The following ENPP2 variants were observed in gnomAD, a reference collection of about 807,000 sequenced individuals.
ENPP2 encodes autotaxin.
A neutral mutation model predicts 120.2 loss-of-function variants in ENPP2; 51 were observed. The ratio of observed to expected loss-of-function variants is 0.42; its 90% CI spans 0.34 to 0.54. The LOEUF (loss-of-function observed/expected upper bound fraction) is 0.54, where lower values mean the gene tolerates loss of function less well. Among genes scored for constraint, ENPP2 ranks in the 20% least tolerant of loss-of-function variants. The pLI is 0.04. For synonymous variants in ENPP2, 365 were observed against 366.4 expected (o/e 1.00, Z 0.04); for missense variants, 920 against 1,066.5 (o/e 0.86, Z 1.91).
At chr8:119,584,097 C>T (rs367612954) in intron 15 of ENPP2, 48 bp from the exon 16 acceptor site, 14 of 1,308,202 alleles carry the variant, frequency 1.1e-5, no homozygotes, top group African/African-American at 2.9e-5. Flanking sequence ...CATGAAATTA[C>T]TTTGATAAAA....
At chr8:119,633,442 G>T (rs1295073128) in intron 2 of ENPP2, among the ~76,000 whole-genome samples, 1 of 152,056 alleles carries the variant, frequency 6.6e-6, no homozygotes, top group African/African-American at 2.4e-5. Flanking sequence ...ACCAGCTGTG[G>T]TTATACCAGC....
At chr8:119,661,586 C>T (rs1389417110) in intron 1 of ENPP2, among the ~76,000 whole-genome samples, 2 of 152,152 alleles carry the variant, frequency 1.3e-5, no homozygotes, top group East Asian at 3.9e-4. Flanking sequence ...TAAATTAGTG[C>T]AATCATTAAG....
At chr8:119,622,720 A>G (rs568815868) in intron 3 of ENPP2, among the ~76,000 whole-genome samples, 1 of 152,296 alleles carries the variant, frequency 6.6e-6, no homozygotes, top group East Asian at 1.9e-4. Flanking sequence ...GAGATAAAAT[A>G]TAACTCTTTA....
upstream of ENPP2, among the ~76,000 whole-genome samples, chr8:119,639,301 C>A (rs991864213): frequency 6.6e-6 from 1 of 152,130 alleles, no homozygotes; most frequent in African/African-American, 2.4e-5. Context: ...AACCTAATAA[C>A]GTTCCTGTCT....
intron 1 of ENPP2, among the ~76,000 whole-genome samples, chr8:119,663,757 A>G (rs1301158959): frequency 6.6e-6 from 1 of 152,176 alleles, no homozygotes; most frequent in Non-Finnish European, 1.5e-5. Flanking sequence ...TGCCAAGAAA[A>G]AGCTTAGGTC....
chr8:119,595,373 C>T (rs1813814419), intron 11 of ENPP2, among the ~76,000 whole-genome samples: 1 of 152,164 alleles, frequency 6.6e-6, no homozygotes, highest in East Asian at 1.9e-4. Context: ...TTTTCTCTTT[C>T]TTTCTGTCTT....
chr8:119,605,468 T>TGTGTG (rs1587459221), intron 9 of ENPP2, among the ~76,000 whole-genome samples: 2 of 78,018 alleles, frequency 2.6e-5, no homozygotes, highest in South Asian at 5.2e-4. Flanking sequence ...GTGTGTGTAT[T>TGTGTG]TTTTTTTTTG....
chr8:119,562,819 T>A, intron 24 of ENPP2, 38 bp downstream of exon 24: 2 of 1,594,862 alleles, frequency 1.3e-6, no homozygotes, highest in Non-Finnish European at 1.7e-6. Context: ...AGGTGAACTA[T>A]GGAAGCAAAT....
chr8:119,634,908 C>A (rs1386830830), intron 2 of ENPP2, among the ~76,000 whole-genome samples: 1 of 152,058 alleles, frequency 6.6e-6, no homozygotes, highest in Non-Finnish European at 1.5e-5. Context: ...TAACAAAGAA[C>A]TGAAAAATCT....
intron 3 of ENPP2, among the ~76,000 whole-genome samples, chr8:119,624,742 C>T (rs534091202): frequency 6.6e-5 from 10 of 152,110 alleles, no homozygotes; most frequent in Non-Finnish European, 1.5e-4. Context: ...CATATATATA[C>T]ACACAGTTGG....
chr8:119,667,123 C>T (rs978063465), intron 1 of ENPP2, among the ~76,000 whole-genome samples: 4 of 152,146 alleles, frequency 2.6e-5, no homozygotes, highest in Admixed American at 2.0e-4. Context: ...TAGGACCATA[C>T]CAGGAAACCA....
intron 1 of ENPP2, among the ~76,000 whole-genome samples, chr8:119,648,100 T>G (rs1817524673): frequency 1.3e-5 from 2 of 152,216 alleles, no homozygotes; most frequent in South Asian, 4.1e-4. Context: ...AACATGAGTT[T>G]CTTTTAAAAA....
At chr8:119,608,103 A>T (rs1814848758) in intron 8 of ENPP2, 126 bp from the exon 9 acceptor site, 1 of 526,766 alleles carries the variant, frequency 1.9e-6, no homozygotes, top group East Asian at 3.2e-5. Flanking sequence ...ATTTTCCATT[A>T]TTTGCAACCA....
intron 18 of ENPP2, chr8:119,580,498 G>A (rs1424893058): frequency 3.7e-6 from 1 of 272,864 alleles, no homozygotes; most frequent in East Asian, 8.2e-5. Flanking sequence ...GCGCCTAAAT[G>A]TTTCAGATTA....
chr8:119,615,842 G>C (rs1052878766), intron 8 of ENPP2, among the ~76,000 whole-genome samples: 1 of 151,894 alleles, frequency 6.6e-6, no homozygotes, highest in Non-Finnish European at 1.5e-5. Flanking sequence ...TTGTCAAAAT[G>C]GTTCTGAAAT....
intron 24 of ENPP2, among the ~76,000 whole-genome samples, chr8:119,558,966 A>G (rs1373616513): frequency 6.6e-6 from 1 of 152,204 alleles, no homozygotes; most frequent in Admixed American, 6.5e-5. Flanking sequence ...AGCTTGTGCC[A>G]GTGCTAAATA....
intron 14 of ENPP2, among the ~76,000 whole-genome samples, chr8:119,586,836 AT>A (rs1264442259): frequency 1.4e-4 from 22 of 152,228 alleles, no homozygotes; most frequent in Admixed American, 1.4e-3. Context: ...CTCCATTTGT[AT>A]CATTGCCAAG....
chr8:119,617,477 A>C lies in ENPP2; in HGVS notation c.566T>G (p.Ile189Ser). Residue 189 changes from isoleucine to serine, a missense_variant, in exon 6 of 25, where the codon ATT becomes AGT. Transcript: ENST00000075322. The part of the protein sequence containing the change: ...MKKGSKVMPN[I>S]EKLRSCGTHS... ...TGGAAATTACTTACTTAGTTTTTCA[A>C]TATTAGGCATGACTTTGCTGCCTTT... 1 of 1,607,714 alleles carries C rather than the reference A, an allele frequency of 6.2e-7. No individual in the cohort carries two copies.
chr8:119,586,708 C>T (rs1450113439), intron 14 of ENPP2, among the ~76,000 whole-genome samples: 2 of 152,092 alleles, frequency 1.3e-5, no homozygotes, highest in South Asian at 2.1e-4. Context: ...ACTAAGGTCG[C>T]TACCCAGCAT....
Sources: allele counts gnomAD v4.1 joint callset (sites outside exome capture counted in the v4.1 genomes callset), GRCh38; gene constraint gnomAD v4.1.1; transcripts MANE v1.5; gene names NCBI Gene and HGNC (gene_info 2026-07-23, HGNC 2026-07-21).